The following KHDRBS2 variants were observed in gnomAD, a reference collection of about 807,000 sequenced individuals.
The protein encoded by KHDRBS2 is KH domain-containing, RNA-binding, signal transduction-associated protein 2.
A neutral mutation model predicts 44.3 loss-of-function variants in KHDRBS2; 26 were observed. That is an observed-to-expected ratio of 0.59 (90% CI 0.43 to 0.81). The LOEUF (loss-of-function observed/expected upper bound fraction) is 0.81, where lower values mean the gene tolerates loss of function less well. KHDRBS2 is among the 40% of genes least tolerant of loss of function. The probability of loss-of-function intolerance (pLI) is 0.00; values close to 1 mark genes in which losing one functional copy is unlikely to be tolerated. For synonymous variants in KHDRBS2, 194 were observed against 151.1 expected, an observed-to-expected ratio of 1.28 and a Z score of -2.08; for missense variants, 476 against 433.1, an observed-to-expected ratio of 1.10 and a Z score of -0.88.
intron 2 of KHDRBS2, among the ~76,000 whole-genome samples, chr6:62,076,683 T>C (rs1299026582): frequency 6.6e-6 from 1 of 152,060 alleles, no homozygotes; most frequent in African/African-American, 2.4e-5. Context: ...ATTCTATTAG[T>C]TCATCTTCAT....
intron 3 of KHDRBS2, among the ~76,000 whole-genome samples, chr6:61,983,538 G>A (rs1173776581): frequency 6.6e-6 from 1 of 151,986 alleles, no homozygotes; most frequent in African/African-American, 2.4e-5. Flanking sequence ...CGAGAAGAGA[G>A]GAATTCACCA....
intron 7 of KHDRBS2, among the ~76,000 whole-genome samples, chr6:61,697,728 G>A (rs1450404759): frequency 6.6e-6 from 1 of 151,838 alleles, no homozygotes; most frequent in Non-Finnish European, 1.5e-5. Context: ...AAATATATAA[G>A]CTATTTTGTT....
intron 6 of KHDRBS2, among the ~76,000 whole-genome samples, chr6:61,742,216 T>TA (rs754778630): frequency 1.4e-4 from 21 of 151,992 alleles, no homozygotes; most frequent in Non-Finnish European, 2.5e-4. Context: ...ACATTTAACT[T>TA]ACTTTATGAA....
At chr6:61,728,297 G>T (rs975080161) in intron 7 of KHDRBS2, among the ~76,000 whole-genome samples, 4 of 152,004 alleles carry the variant, frequency 2.6e-5, no homozygotes, top group African/African-American at 9.7e-5. Context: ...GAGGGGGGTT[G>T]TGGAGGGAGG....
At chr6:62,001,676 C>T (rs1778265560) in intron 3 of KHDRBS2, among the ~76,000 whole-genome samples, 3 of 152,002 alleles carry the variant, frequency 2.0e-5, no homozygotes, top group Admixed American at 2.0e-4. Flanking sequence ...GGTATTACTT[C>T]TAGAATTTGT....
chr6:61,976,332 A>C (rs1370877239), intron 4 of KHDRBS2, among the ~76,000 whole-genome samples: 1 of 152,142 alleles, frequency 6.6e-6, no homozygotes, highest in Admixed American at 6.6e-5. Flanking sequence ...CACACAGTAT[A>C]TATTTCAGTG....
chr6:61,836,484 C>G (rs1007098448), intron 6 of KHDRBS2, among the ~76,000 whole-genome samples: 3 of 152,020 alleles, frequency 2.0e-5, no homozygotes, highest in Non-Finnish European at 4.4e-5. Flanking sequence ...GTTTTATTAT[C>G]TATCTACTCA....
At chr6:61,570,136 T>A in the KHDRBS2 span, among the ~76,000 whole-genome samples, 1 of 151,920 alleles carries the variant, frequency 6.6e-6, no homozygotes, top group African/African-American at 2.4e-5. Flanking sequence ...CTCAAGGAGA[T>A]CCCAGAGAAA....
intron 7 of KHDRBS2, among the ~76,000 whole-genome samples, chr6:61,707,429 A>C (rs1769769837): frequency 6.6e-6 from 1 of 151,796 alleles, no homozygotes; most frequent in Admixed American, 6.6e-5. Flanking sequence ...CAATATAAAA[A>C]TAGAAGTTGT....
At chr6:61,772,032 T>A (rs2127577043) in intron 6 of KHDRBS2, among the ~76,000 whole-genome samples, 1 of 151,930 alleles carries the variant, frequency 6.6e-6, no homozygotes, top group South Asian at 2.1e-4. Flanking sequence ...TCAAAACTGC[T>A]CAACCACATG....
intron 2 of KHDRBS2, among the ~76,000 whole-genome samples, chr6:62,081,892 C>T (rs1238080795): frequency 6.6e-6 from 1 of 151,988 alleles, no homozygotes; most frequent in Non-Finnish European, 1.5e-5. Flanking sequence ...ACCTACTCTT[C>T]TTCCTGTAGC....
At chr6:61,750,163 T>A (rs1234900429) in intron 6 of KHDRBS2, among the ~76,000 whole-genome samples, 1 of 152,132 alleles carries the variant, frequency 6.6e-6, no homozygotes, top group Non-Finnish European at 1.5e-5. Context: ...ATATCTTAAA[T>A]ATAGAAAGAA....
the KHDRBS2 span, among the ~76,000 whole-genome samples, chr6:61,601,778 C>T: frequency 6.6e-6 from 1 of 152,062 alleles, no homozygotes; most frequent in African/African-American, 2.4e-5. Flanking sequence ...CCCAATTCTT[C>T]CTCAACTTCT....
At chr6:62,215,308 C>CA (rs1289818657) in intron 1 of KHDRBS2, among the ~76,000 whole-genome samples, 4 of 151,840 alleles carry the variant, frequency 2.6e-5, no homozygotes, top group Admixed American at 2.0e-4. Flanking sequence ...TTGCCCATTA[C>CA]AATCCAGAGC....
chr6:62,210,246 G>A (rs1250287810), intron 1 of KHDRBS2, among the ~76,000 whole-genome samples: 1 of 150,894 alleles, frequency 6.6e-6, no homozygotes, highest in Non-Finnish European at 1.5e-5. Context: ...ATTTAGTTCT[G>A]ATAAGCAGAA....
At chr6:61,567,136 T>C in the KHDRBS2 span, among the ~76,000 whole-genome samples, 15 of 152,234 alleles carry the variant, frequency 9.9e-5, no homozygotes, top group African/African-American at 3.1e-4. Flanking sequence ...GGATGCTATC[T>C]GTTTCAATGA....
At chr6:61,796,309 T>C (rs1286787367) in intron 6 of KHDRBS2, among the ~76,000 whole-genome samples, 2 of 151,994 alleles carry the variant, frequency 1.3e-5, no homozygotes, top group African/African-American at 4.8e-5. Context: ...TCCTGAAGAT[T>C]ATATAATAAT....
At chr6:62,047,746 C>T (rs76870094) in intron 3 of KHDRBS2, 132 bp downstream of exon 3, 6 of 669,016 alleles carry the variant, frequency 9.0e-6, no homozygotes, top group Non-Finnish European at 1.4e-5. Context: ...CAGAAAGTGA[C>T]ACAGGGTGAT....
chr6:61,643,287 A>T, the KHDRBS2 span, among the ~76,000 whole-genome samples: 1 of 152,204 alleles, frequency 6.6e-6, no homozygotes, highest in Non-Finnish European at 1.5e-5. Context: ...AACTCTCAAT[A>T]AACTGGGTAT....
Sources: gnomAD v4.1 joint callset for allele counts (sites outside exome capture counted in the v4.1 genomes callset) on GRCh38, gnomAD v4.1.1 for gene constraint, MANE v1.5 for transcripts, NCBI Gene and HGNC (gene_info 2026-07-23, HGNC 2026-07-21) for gene names.